The following PTPRD variants were observed in gnomAD, a reference collection of about 807,000 sequenced individuals.
The protein encoded by PTPRD is receptor-type tyrosine-protein phosphatase delta.
PTPRD carries 34 observed loss-of-function variants against 214.5 expected under a neutral mutation model. The observed-to-expected ratio is 0.16, with a 90% CI of 0.12 to 0.21. The LOEUF (loss-of-function observed/expected upper bound fraction) is 0.21. Among genes scored for constraint, PTPRD ranks in the 10% least tolerant of loss-of-function variants. The pLI, the probability that PTPRD is intolerant of heterozygous loss-of-function variation, is 1.00. For missense variants in PTPRD, 2,545 were observed against 2,398.7 expected, an observed-to-expected ratio of 1.06 and a Z score of -1.27; for synonymous variants, 1,128 against 845.7, an observed-to-expected ratio of 1.33 and a Z score of -5.79.
At chr9:8,604,671 G>C (rs1352495146) in intron 14 of PTPRD, among the ~76,000 whole-genome samples, 1 of 152,128 alleles carries the variant, frequency 6.6e-6, no homozygotes, top group Non-Finnish European at 1.5e-5. Context: ...AGCATGAAAA[G>C]AGGAGGTCAA....
chr9:10,321,575 G>T (rs1482085014), intron 3 of PTPRD, among the ~76,000 whole-genome samples: 1 of 152,042 alleles, frequency 6.6e-6, no homozygotes, highest in South Asian at 2.1e-4. Context: ...TCAGAGCAAT[G>T]AAACGATTTT....
rs909944687 is a variant in PTPRD at position 9,373,115 on chromosome 9, T to C, written c.-203+24334A>G. 3.9e-5 allele frequency among the ~76,000 whole-genome samples: 6 copies of C among 152,028 alleles called. No homozygotes were observed. The East Asian group carries it at 9.7e-4, about 25-fold the overall frequency. The stretch of plus-strand genomic sequence containing the variant: ...TATGTTCCTTAGCCATCAAATTGTA[T>C]TTTTGGAACTAATAGTTTTCACAGA... On this transcript the variant is annotated intron_variant, in intron 9 of 45. Coordinates refer to ENST00000381196, the MANE Select transcript of PTPRD (RefSeq NM_002839.4).
At chr9:10,455,377 TC>T (rs1296377816) in intron 2 of PTPRD, among the ~76,000 whole-genome samples, 1 of 151,758 alleles carries the variant, frequency 6.6e-6, no homozygotes, top group Non-Finnish European at 1.5e-5. Context: ...AACTTTACTG[TC>T]CTCTACTTGG....
At chr9:8,667,022 G>A (rs1378655993) in intron 12 of PTPRD, among the ~76,000 whole-genome samples, 2 of 152,060 alleles carry the variant, frequency 1.3e-5, no homozygotes, top group Non-Finnish European at 2.9e-5. Flanking sequence ...AAAAATAAAG[G>A]GAATTTGGAG....
chr9:8,900,890 A>G (rs1214069969), intron 11 of PTPRD, among the ~76,000 whole-genome samples: 1 of 152,232 alleles, frequency 6.6e-6, no homozygotes, highest in African/African-American at 2.4e-5. Flanking sequence ...TTTGAAAGCC[A>G]AAACTGACAG....
intron 9 of PTPRD, among the ~76,000 whole-genome samples, chr9:9,369,291 G>T (rs1258227037): frequency 6.6e-6 from 1 of 152,010 alleles, no homozygotes; most frequent in African/African-American, 2.4e-5. Context: ...ACTTTTTAAT[G>T]ATCACCATTC....
At chr9:10,184,509 G>A (rs556282070) in intron 3 of PTPRD, among the ~76,000 whole-genome samples, 2 of 152,244 alleles carry the variant, frequency 1.3e-5, no homozygotes, top group East Asian at 3.9e-4. Flanking sequence ...TAGGGTACAT[G>A]GATCTGTGAA....
chr9:10,399,054 T>G (rs1200388420), intron 2 of PTPRD, among the ~76,000 whole-genome samples: 1 of 151,978 alleles, frequency 6.6e-6, no homozygotes, highest in Non-Finnish European at 1.5e-5. Flanking sequence ...TTCAGAATAT[T>G]ATCTGAAGTG....
At chr9:9,939,493 C>T (rs2090765092) in intron 4 of PTPRD, among the ~76,000 whole-genome samples, 1 of 152,104 alleles carries the variant, frequency 6.6e-6, no homozygotes, top group South Asian at 2.1e-4. Flanking sequence ...AATTTGGTGA[C>T]CTCCTTTTTG....
chr9:9,999,617 G>T (rs1299470982), intron 4 of PTPRD, among the ~76,000 whole-genome samples: 1 of 152,152 alleles, frequency 6.6e-6, no homozygotes, highest in African/African-American at 2.4e-5. Flanking sequence ...TTATAGTCAC[G>T]CTACTATTTG....
chr9:9,385,221 C>T (rs2063512832), intron 9 of PTPRD, among the ~76,000 whole-genome samples: 1 of 152,082 alleles, frequency 6.6e-6, no homozygotes. Flanking sequence ...GCATTTTCAC[C>T]TATATTCATT....
intron 8 of PTPRD, among the ~76,000 whole-genome samples, chr9:9,559,116 C>G (rs2082253247): frequency 6.6e-6 from 1 of 152,136 alleles, no homozygotes; most frequent in Non-Finnish European, 1.5e-5. Context: ...TCCTGCCACA[C>G]TCTTATGAGC....
chr9:8,498,218 G>T (rs906935763), intron 25 of PTPRD, among the ~76,000 whole-genome samples: 6 of 152,058 alleles, frequency 3.9e-5, no homozygotes, highest in Non-Finnish European at 7.4e-5. Flanking sequence ...TTAAGACTTT[G>T]GGGGTAAGTA....
intron 3 of PTPRD, among the ~76,000 whole-genome samples, chr9:10,232,820 A>G (rs1594907841): frequency 6.6e-6 from 1 of 152,100 alleles, no homozygotes; most frequent in East Asian, 1.9e-4. Flanking sequence ...AACTCACACA[A>G]AACAGGGCCA....
chr9:10,049,921 A>C (rs1384401399), intron 3 of PTPRD, among the ~76,000 whole-genome samples: 1 of 152,174 alleles, frequency 6.6e-6, no homozygotes, highest in Non-Finnish European at 1.5e-5. Flanking sequence ...CTGTCTCAGA[A>C]TCTAGTCAAT....
At chr9:8,987,402 C>A (rs934925404) in intron 11 of PTPRD, among the ~76,000 whole-genome samples, 3 of 152,028 alleles carry the variant, frequency 2.0e-5, no homozygotes, top group African/African-American at 7.2e-5. Flanking sequence ...ACAATGATTA[C>A]TATGCTAATG....
intron 39 of PTPRD, among the ~76,000 whole-genome samples, chr9:8,369,371 T>A (rs988678517): frequency 6.6e-6 from 1 of 152,028 alleles, no homozygotes; most frequent in Non-Finnish European, 1.5e-5. Flanking sequence ...ATGGCCTACA[T>A]AGTTTCCTGG....
chr9:9,333,588 T>C lies in PTPRD; in HGVS notation c.-203+63861A>G, dbSNP rs1275299506. On this transcript the variant is annotated intron_variant, in intron 9 of 45. Coordinates refer to ENST00000381196, the MANE Select transcript of PTPRD (RefSeq NM_002839.4). ...AAGGTGGGACTTAACGCAGAATTAATATAAAAGAAAAGCACTGGTCTGGAA... is the reference window on the plus strand; with the variant it reads ...AAGGTGGGACTTAACGCAGAATTAACATAAAAGAAAAGCACTGGTCTGGAA... 4.0e-5 allele frequency among the ~76,000 whole-genome samples: 6 copies of C among 149,326 alleles called. 1 individual carries two copies. Among genetic ancestry groups the C allele is most frequent in the Non-Finnish European group, 8.9e-5 (6 of 67,530 alleles).
At chr9:10,302,591 C>A (rs2095897457) in intron 3 of PTPRD, among the ~76,000 whole-genome samples, 1 of 151,856 alleles carries the variant, frequency 6.6e-6, no homozygotes, top group Non-Finnish European at 1.5e-5. Flanking sequence ...AAATAGAAAG[C>A]AAAAATAGCA....
Sources: allele counts gnomAD v4.1 joint callset (sites outside exome capture counted in the v4.1 genomes callset), GRCh38; gene constraint gnomAD v4.1.1; transcripts MANE v1.5; gene names NCBI Gene and HGNC (gene_info 2026-07-23, HGNC 2026-07-21).